Variants in CAMTA1 observed in about 807,000 individuals in gnomAD.
CAMTA1 encodes calmodulin binding transcription activator 1.
CAMTA1 carries 27 observed loss-of-function variants against 170.9 expected under a neutral mutation model. The observed-to-expected ratio is 0.16, with a 90% CI of 0.12 to 0.22. The LOEUF (loss-of-function observed/expected upper bound fraction) is 0.22, where lower values mean the gene tolerates loss of function less well. Among genes scored for constraint, CAMTA1 ranks in the 10% least tolerant of loss-of-function variants. CAMTA1 has a pLI of 1.00. For synonymous variants in CAMTA1, 833 were observed against 891.5 expected, an observed-to-expected ratio of 0.93 and a Z score of 1.17; for missense variants, 1,619 against 2,217.2, an observed-to-expected ratio of 0.73 and a Z score of 5.42.
chr1:7,518,594 C>G (rs1165406074), intron 6 of CAMTA1, among the ~76,000 whole-genome samples: 3 of 152,130 alleles, frequency 2.0e-5, no homozygotes, highest in South Asian at 4.1e-4. Flanking sequence ...CTGGGCCGCC[C>G]ACACTGCCCT....
At chr1:7,231,529 TGCCTG>T (rs1243091827) in intron 4 of CAMTA1, among the ~76,000 whole-genome samples, 1 of 152,146 alleles carries the variant, frequency 6.6e-6, no homozygotes, top group East Asian at 1.9e-4. Flanking sequence ...CCAACCACCA[TGCCTG>T]GCTAATTTTT....
chr1:7,235,166 C>T (rs1197351093), intron 4 of CAMTA1, among the ~76,000 whole-genome samples: 4 of 152,136 alleles, frequency 2.6e-5, no homozygotes. Flanking sequence ...TCCACAAAGA[C>T]ATTGTGGCCC....
At chr1:7,385,272 G>T (rs1455484016) in intron 5 of CAMTA1, among the ~76,000 whole-genome samples, 1 of 151,930 alleles carries the variant, frequency 6.6e-6, no homozygotes, top group East Asian at 1.9e-4. Context: ...TGTATTTTTA[G>T]TAGAGACAAG....
At chr1:6,976,984 C>T (rs1969173) in intron 3 of CAMTA1, among the ~76,000 whole-genome samples, 6 of 83,758 alleles carry the variant, frequency 7.2e-5, no homozygotes, top group African/African-American at 1.7e-4. Flanking sequence ...GACATGCCTT[C>T]TCTTCTCCTT....
intron 3 of CAMTA1, among the ~76,000 whole-genome samples, chr1:7,012,447 A>T (rs1029117760): frequency 6.6e-6 from 1 of 151,794 alleles, no homozygotes; most frequent in Non-Finnish European, 1.5e-5. Flanking sequence ...TCCTCCCTGG[A>T]TCTTCCCGTC....
At chr1:6,995,208 A>T (rs1008114297) in intron 3 of CAMTA1, among the ~76,000 whole-genome samples, 1 of 150,508 alleles carries the variant, frequency 6.6e-6, no homozygotes, top group African/African-American at 2.5e-5. Context: ...AGCACTATTG[A>T]CATTTTGGGC....
rs779599076 is a variant in CAMTA1, at chr1:7,249,771, C to T, written c.438+145C>T. ...AAGACCCTGGTTTTTGCTTTTGTTTCGTTTTTCTACCTTCTTACCCTATAG... is the reference window on the plus strand; with the variant it reads ...AAGACCCTGGTTTTTGCTTTTGTTTTGTTTTTCTACCTTCTTACCCTATAG... On this transcript the variant is annotated intron_variant, in intron 5 of 22. Coordinates refer to ENST00000303635, the MANE Select transcript of CAMTA1 (RefSeq NM_015215.4). This position sits in a 1 kb window ranked among gnomAD's most constrained non-coding sequence, Gnocchi z 4.4. 6.5e-5 allele frequency: 60 copies of T among 926,954 alleles called. No homozygotes were observed. Among genetic ancestry groups the T allele is most frequent in the Non-Finnish European group, 8.1e-5 (51 of 632,690 alleles). 57.4% of individuals were successfully genotyped at this position (926,954 alleles called of 1,614,324 possible).
intron 6 of CAMTA1, among the ~76,000 whole-genome samples, chr1:7,519,729 C>T (rs936552765): frequency 1.3e-5 from 2 of 151,662 alleles, no homozygotes; most frequent in African/African-American, 2.4e-5. Flanking sequence ...ATCCTTTGTC[C>T]CCTTACTCCT....
rs1256429576 is a variant in CAMTA1, at chr1:7,641,571, G to A, written c.664+1018G>A. Among the ~76,000 whole-genome samples the A allele has an allele frequency of 6.6e-6, 1 of 152,156 alleles. No homozygotes were observed. Among genetic ancestry groups the A allele is most frequent in the Non-Finnish European group, 1.5e-5 (1 of 68,004 alleles). On this transcript the variant is annotated intron_variant, in intron 7 of 22. Coordinates refer to ENST00000303635, the MANE Select transcript of CAMTA1 (RefSeq NM_015215.4). The surrounding 1 kb of genome is among the most constrained non-coding windows in gnomAD (Gnocchi z 4.5). ...GTGATGCTAATCCTGAGAGTCCCCT[G>A]GGTGCTCGGATTTAGGGATCTGCTC... is the stretch of plus-strand genomic sequence containing the variant.
At chr1:7,548,160 C>T (rs139076725) in intron 6 of CAMTA1, among the ~76,000 whole-genome samples, 9 of 152,346 alleles carry the variant, frequency 5.9e-5, no homozygotes, top group African/African-American at 2.2e-4. Flanking sequence ...CAGGCATTAA[C>T]CAGGTCACTG....
At chr1:7,721,594 G>A (rs530363194) in intron 11 of CAMTA1, among the ~76,000 whole-genome samples, 2 of 152,216 alleles carry the variant, frequency 1.3e-5, no homozygotes, top group Admixed American at 6.5e-5. Flanking sequence ...GAATTTTGGA[G>A]AACATTGAGT....
In CAMTA1 at chr1:7,719,603, G is replaced by A. The variant is rs185350083; in HGVS notation, c.2915-12845G>A. On this transcript the variant is annotated intron_variant, in intron 11 of 22. Transcript: ENST00000303635. ...AGTGGAGTATGGCGGTTTTTTCTACGGCTAAATTTAGCCATTGCTTTGGAA... is the reference window on the plus strand; with the variant it reads ...AGTGGAGTATGGCGGTTTTTTCTACAGCTAAATTTAGCCATTGCTTTGGAA... 3.8e-3 allele frequency among the ~76,000 whole-genome samples: 585 copies of A among 152,188 alleles called. 5 individuals are homozygous for A. The highest frequency in any genetic ancestry group is 0.013 in the African/African-American group (558 of 41,520).
At chr1:7,227,055 G>A (rs1333615535) in intron 4 of CAMTA1, among the ~76,000 whole-genome samples, 1 of 151,896 alleles carries the variant, frequency 6.6e-6, no homozygotes, top group Non-Finnish European at 1.5e-5. Context: ...GCATGGTCTC[G>A]ATCTACTGAC....
intron 11 of CAMTA1, among the ~76,000 whole-genome samples, chr1:7,704,977 G>C (rs1187672044): frequency 1.3e-4 from 15 of 111,256 alleles, no homozygotes; most frequent in African/African-American, 4.6e-4. Context: ...CGGGGCGGGG[G>C]CGGGGCCGGG....
chr1:6,806,298 C>G (rs958147954), intron 1 of CAMTA1, among the ~76,000 whole-genome samples: 8 of 152,090 alleles, frequency 5.3e-5, no homozygotes, highest in African/African-American at 1.7e-4. Context: ...AACTGTCAGT[C>G]CTTTAACTCT....
At chr1:6,788,948 T>C (rs373548200) in intron 1 of CAMTA1, among the ~76,000 whole-genome samples, 6 of 152,230 alleles carry the variant, frequency 3.9e-5, no homozygotes, top group African/African-American at 1.4e-4. Context: ...ACGGGTTCTC[T>C]GAACCACATA....
intron 11 of CAMTA1, among the ~76,000 whole-genome samples, chr1:7,691,255 T>C (rs1166711090): frequency 6.6e-6 from 1 of 152,010 alleles, no homozygotes; most frequent in Non-Finnish European, 1.5e-5. Flanking sequence ...GCGCAGAAAC[T>C]CTGTGGTGGG....
chr1:7,471,031 G>A (rs952500806), intron 6 of CAMTA1, among the ~76,000 whole-genome samples: 12 of 152,216 alleles, frequency 7.9e-5, no homozygotes, highest in South Asian at 2.1e-4. Flanking sequence ...ACCCCGGGGC[G>A]GGAATGAGCA....
At position 7,562,397 on chromosome 1, in the gene CAMTA1, C is replaced by T. The variant is rs139501995; in HGVS notation, c.511-78003C>T. Among the ~76,000 whole-genome samples, 470 of 152,252 alleles carry T rather than the reference C, an allele frequency of 3.1e-3. 3 individuals carry two copies. The highest frequency in any genetic ancestry group is 0.01 in the African/African-American group (426 of 41,532). On this transcript the variant is annotated intron_variant, in intron 6 of 22. Transcript: ENST00000303635. The surrounding 1 kb of genome is among the most constrained non-coding windows in gnomAD (Gnocchi z 4.8). ...GGCTGGTGGCAGCAGCAGGGCAGGC[C>T]GCGGCAGCTCAGCTAATTTAAGCTT...
Sources: allele counts gnomAD v4.1 joint callset (sites outside exome capture counted in the v4.1 genomes callset), GRCh38; gene constraint gnomAD v4.1.1; non-coding constraint Gnocchi (gnomAD v3.1); transcripts MANE v1.5; gene names NCBI Gene and HGNC (gene_info 2026-07-23, HGNC 2026-07-21).